The following CSMD1 variants were observed in gnomAD, a reference collection of about 807,000 sequenced individuals.
CSMD1 encodes the protein CUB and Sushi multiple domains 1.
A neutral mutation model predicts 417.5 loss-of-function variants in CSMD1; 213 were observed. That is an observed-to-expected ratio of 0.51 (90% CI 0.46 to 0.57). The LOEUF is 0.57. Among genes scored for constraint, CSMD1 ranks in the 20% least tolerant of loss-of-function variants. The pLI is 0.00. For missense variants in CSMD1, 6,923 were observed against 4,529.7 expected (o/e 1.53, Z -15.17); for synonymous variants, 2,862 against 1,736.8 (o/e 1.65, Z -16.11).
chr8:3,225,477 G>A (rs906985863), intron 27 of CSMD1, among the ~76,000 whole-genome samples: 7 of 151,932 alleles, frequency 4.6e-5, no homozygotes, highest in Middle Eastern at 3.4e-3. Context: ...GAATCACGCC[G>A]GGGCTGCTGA....
chr8:4,222,702 G>A lies in CSMD1; in HGVS notation c.416-190603C>T, dbSNP rs17069601. Among the ~76,000 whole-genome samples the A allele has an allele frequency of 8.5e-3, 1,301 of 152,182 alleles. 21 individuals carry two copies. Among genetic ancestry groups the A allele is most frequent in the African/African-American group, 0.029 (1,186 of 41,520 alleles). On this transcript the variant is annotated intron_variant, in intron 3 of 69. Coordinates refer to ENST00000635120, the MANE Select transcript of CSMD1 (RefSeq NM_033225.6). Reference sequence around the variant, plus strand: ...CAACTATTCAGTTATGCCTCTATCTGGTTCGCTTCTGTAGGTGATAAAAAG... The same window carrying A: ...CAACTATTCAGTTATGCCTCTATCTAGTTCGCTTCTGTAGGTGATAAAAAG...
rs1354430391 is a variant in CSMD1 at position 4,065,483 on chromosome 8, A to G, written c.416-33384T>C. 3.3e-5 allele frequency among the ~76,000 whole-genome samples: 5 copies of G among 152,240 alleles called. No individual in the cohort carries two copies. In the East Asian group the frequency reaches 5.8e-4, roughly 18 times the overall value. ...TTCTTTTACTGAATGTACATTAGCT[A>G]ATACAAAGGTCATGACACTGATTCA... On this transcript the variant is annotated intron_variant, in intron 3 of 69. Coordinates refer to ENST00000635120, the MANE Select transcript of CSMD1 (RefSeq NM_033225.6).
chr8:4,120,882 G>C (rs1195655164), intron 3 of CSMD1, among the ~76,000 whole-genome samples: 1 of 152,040 alleles, frequency 6.6e-6, no homozygotes, highest in Admixed American at 6.5e-5. Flanking sequence ...CTGTTTTATT[G>C]TTTATACACC....
chr8:4,192,528 T>G (rs1799089094), intron 3 of CSMD1, among the ~76,000 whole-genome samples: 1 of 152,160 alleles, frequency 6.6e-6, no homozygotes, highest in Non-Finnish European at 1.5e-5. Flanking sequence ...CCCTGACCTT[T>G]CAGCAACAGG....
chr8:4,736,271 C>T (rs1038043338), intron 1 of CSMD1, among the ~76,000 whole-genome samples: 3 of 152,090 alleles, frequency 2.0e-5, no homozygotes, highest in African/African-American at 4.8e-5. Context: ...TTATTTTCTT[C>T]AGGTCACTGC....
chr8:4,776,783 G>C (rs1384627253), intron 1 of CSMD1, among the ~76,000 whole-genome samples: 1 of 151,750 alleles, frequency 6.6e-6, no homozygotes, highest in Non-Finnish European at 1.5e-5. Flanking sequence ...AAAATACAAG[G>C]AATATTATAT....
chr8:4,197,515 G>C (rs781687383), intron 3 of CSMD1, among the ~76,000 whole-genome samples: 1 of 152,202 alleles, frequency 6.6e-6, no homozygotes, highest in Non-Finnish European at 1.5e-5. Flanking sequence ...AAGTAAGACA[G>C]AGTTCCCTTG....
intron 3 of CSMD1, among the ~76,000 whole-genome samples, chr8:4,045,491 T>A (rs559193883): frequency 6.6e-6 from 1 of 152,154 alleles, no homozygotes; most frequent in African/African-American, 2.4e-5. Context: ...CTGTCCCCAG[T>A]TGGGGGAAGA....
At chr8:4,401,594 A>G (rs970621623) in intron 3 of CSMD1, among the ~76,000 whole-genome samples, 5 of 151,944 alleles carry the variant, frequency 3.3e-5, no homozygotes, top group African/African-American at 1.2e-4. Context: ...CATGTCCTCC[A>G]TCCCTGTCAC....
At chr8:3,201,788 G>A in intron 31 of CSMD1, 63 bp from the exon 32 acceptor site, 1 of 914,688 alleles carries the variant, frequency 1.1e-6, no homozygotes, top group South Asian at 1.6e-5. Flanking sequence ...GGAGATTTTT[G>A]ATTTCACTGA....
At chr8:4,714,437 G>C (rs879137167) in intron 1 of CSMD1, among the ~76,000 whole-genome samples, 3 of 152,140 alleles carry the variant, frequency 2.0e-5, no homozygotes, top group Non-Finnish European at 4.4e-5. Context: ...AAAAGGAAAT[G>C]GAAATTCTAA....
intron 21 of CSMD1, among the ~76,000 whole-genome samples, chr8:3,350,554 A>G (rs944610625): frequency 3.9e-5 from 6 of 152,190 alleles, no homozygotes; most frequent in Admixed American, 3.3e-4. Context: ...TTTAAAATTA[A>G]TAATTCACAC....
rs1335991290 is a variant in CSMD1 at position 3,930,940 on chromosome 8, C to T, written c.818+66963G>A. On this transcript the variant is annotated intron_variant, in intron 5 of 69. Coordinates refer to ENST00000635120, the MANE Select transcript of CSMD1 (RefSeq NM_033225.6). Reference sequence around the variant, plus strand: ...CAATGGTTCAATTGTTGCTAGGATTCTTAAAAACCTAAAATACATCAGCAA... The same window carrying T: ...CAATGGTTCAATTGTTGCTAGGATTTTTAAAAACCTAAAATACATCAGCAA... 3.3e-5 allele frequency among the ~76,000 whole-genome samples: 5 copies of T among 150,464 alleles called. 1 individual carries two copies. Among genetic ancestry groups the T allele is most frequent in the Non-Finnish European group, 7.4e-5 (5 of 67,544 alleles).
At chr8:4,756,117 G>T (rs1279672066) in intron 1 of CSMD1, among the ~76,000 whole-genome samples, 2 of 152,250 alleles carry the variant, frequency 1.3e-5, no homozygotes, top group East Asian at 3.9e-4. Flanking sequence ...TTTCACAGGA[G>T]TATATAGTAA....
intron 5 of CSMD1, among the ~76,000 whole-genome samples, chr8:3,980,240 G>T (rs79770879): frequency 6.6e-6 from 1 of 152,140 alleles, no homozygotes. Flanking sequence ...GCATAGATGG[G>T]AACTTAACTA....
intron 3 of CSMD1, among the ~76,000 whole-genome samples, chr8:4,381,811 G>C (rs763157626): frequency 2.6e-5 from 4 of 152,024 alleles, no homozygotes; most frequent in South Asian, 2.1e-4. Flanking sequence ...TGATGACTTA[G>C]TTTCATCTTT....
chr8:3,729,858 G>GCAC (rs1802719965), intron 6 of CSMD1, among the ~76,000 whole-genome samples: 1 of 138,768 alleles, frequency 7.2e-6, no homozygotes, highest in South Asian at 2.3e-4. Flanking sequence ...ATGTATTGAA[G>GCAC]CACGTATCAA....
At chr8:3,535,866 T>C (rs1336165738) in intron 10 of CSMD1, among the ~76,000 whole-genome samples, 1 of 152,168 alleles carries the variant, frequency 6.6e-6, no homozygotes, top group East Asian at 1.9e-4. Context: ...GGCCCTGTTG[T>C]AGGTAGAACT....
chr8:3,166,040 A>G (rs900034755), intron 37 of CSMD1, among the ~76,000 whole-genome samples: 3 of 152,166 alleles, frequency 2.0e-5, no homozygotes, highest in Admixed American at 1.3e-4. Flanking sequence ...TATTCACTGT[A>G]TTAGTCAAAA....
Sources: gnomAD v4.1 joint callset for allele counts (sites outside exome capture counted in the v4.1 genomes callset) on GRCh38, gnomAD v4.1.1 for gene constraint, MANE v1.5 for transcripts, NCBI Gene and HGNC (gene_info 2026-07-23, HGNC 2026-07-21) for gene names.